The following ARHGAP18 variants were observed in gnomAD, a reference collection of about 807,000 sequenced individuals.
ARHGAP18 encodes rho GTPase-activating protein 18.
In ARHGAP18, 67 loss-of-function variants were observed where a neutral mutation model predicts 86.2. That is an observed-to-expected ratio of 0.78 (90% CI 0.64 to 0.95). The LOEUF is 0.95. Among genes scored for constraint, ARHGAP18 ranks in the 40% least tolerant of loss-of-function variants. ARHGAP18 has a pLI of 0.00. For missense variants in ARHGAP18, 691 were observed against 780.4 expected (o/e 0.89, Z 1.37); for synonymous variants, 283 against 280.4 (o/e 1.01, Z -0.09).
intron 8 of ARHGAP18, among the ~76,000 whole-genome samples, chr6:129,609,059 G>A (rs1788920207): frequency 6.7e-6 from 1 of 148,448 alleles, no homozygotes; most frequent in South Asian, 2.2e-4. Context: ...GAGATAGGGA[G>A]GGAAGGAAGA....
intron 5 of ARHGAP18, among the ~76,000 whole-genome samples, chr6:129,626,215 A>T (rs1172318109): frequency 6.6e-6 from 1 of 151,110 alleles, no homozygotes. Flanking sequence ...AATAAAAAGA[A>T]GTGAGAAATA....
At chr6:129,655,905 T>C (rs1054316299) in intron 1 of ARHGAP18, among the ~76,000 whole-genome samples, 1 of 152,240 alleles carries the variant, frequency 6.6e-6, no homozygotes, top group Admixed American at 6.5e-5. Flanking sequence ...ATCATTGCAG[T>C]TATGGTTTTA....
intron 10 of ARHGAP18, among the ~76,000 whole-genome samples, chr6:129,604,328 G>GCCCT: frequency 6.6e-6 from 1 of 152,058 alleles, no homozygotes; most frequent in East Asian, 1.9e-4. Context: ...GACTTTGAGG[G>GCCCT]CAAAGCCCGA....
At chr6:129,682,131 C>T (rs1056302895) in intron 1 of ARHGAP18, among the ~76,000 whole-genome samples, 5 of 152,170 alleles carry the variant, frequency 3.3e-5, no homozygotes, top group Admixed American at 6.5e-5. Flanking sequence ...GCAGATATTA[C>T]GTCAATCCCC....
intron 7 of ARHGAP18, 117 bp from the exon 8 acceptor site, chr6:129,611,727 T>C: frequency 2.5e-6 from 2 of 802,518 alleles, no homozygotes; most frequent in Non-Finnish European, 4.0e-6. Flanking sequence ...AACTGGATTT[T>C]ATGAGGTTTT....
In ARHGAP18 at chr6:129,616,303, T is replaced by C; in HGVS notation, c.953A>G (p.Asp318Gly). Residue 318 changes from aspartate (D) to glycine (G), a missense_variant and splice_region_variant, in exon 7 of 15, where the codon GAT becomes GGT. Physicochemically the swap from Asp to Gly is moderately conservative, Grantham distance 94. Coordinates refer to ENST00000368149, the MANE Select transcript of ARHGAP18 (RefSeq NM_033515.3). ...CAATGGAACGCAAAAAAGACCAGAA[T>C]CTGCAAGAAAAAAAATGAAATTTCC... ...QQKAVKIKTK[D>G]SGLFCVPLTA... 3 of 1,605,818 alleles carry C rather than the reference T, an allele frequency of 1.9e-6. No individual in the cohort carries two copies. Among genetic ancestry groups the C allele is most frequent in the Non-Finnish European group, 2.5e-6 (3 of 1,176,720 alleles).
intron 1 of ARHGAP18, among the ~76,000 whole-genome samples, chr6:129,686,658 C>T (rs1774428573): frequency 6.6e-6 from 1 of 152,174 alleles, no homozygotes; most frequent in South Asian, 2.1e-4. Context: ...CTCAGATTTG[C>T]AACTATAGAA....
At chr6:129,607,488 T>C (rs915788277) in intron 9 of ARHGAP18, among the ~76,000 whole-genome samples, 1 of 152,012 alleles carries the variant, frequency 6.6e-6, no homozygotes, top group Non-Finnish European at 1.5e-5. Context: ...CCCTACCACT[T>C]CTCCTTGTGC....
At chr6:129,664,523 G>T (rs751405770) in intron 1 of ARHGAP18, among the ~76,000 whole-genome samples, 2 of 152,140 alleles carry the variant, frequency 1.3e-5, no homozygotes, top group Non-Finnish European at 2.9e-5. Flanking sequence ...CCTGAGAAAT[G>T]TGGTGTCTTA....
rs113959025 is a variant in ARHGAP18 at position 129,597,239 on chromosome 6, C to T, written c.1713+1977G>A. Among the ~76,000 whole-genome samples the T allele has an allele frequency of 8.3e-3, 1,251 of 151,534 alleles. 15 individuals are homozygous for T. The highest frequency in any genetic ancestry group is 0.029 in the African/African-American group (1,196 of 41,252). ...TGGCTCACTGCCTCCCAGGTTCAAG[C>T]GATTCTCCTGCCTTAGCTTCTCAAG... On this transcript the variant is annotated intron_variant, in intron 12 of 14. Transcript: ENST00000368149.
In ARHGAP18 at chr6:129,710,094, A is replaced by G. The variant is rs1393143118; in HGVS notation, c.43T>C (p.Tyr15His). The G allele has an allele frequency of 1.2e-6, 2 of 1,614,010 alleles. No homozygotes were observed. Among genetic ancestry groups the G allele is most frequent in the East Asian group, 4.5e-5 (2 of 44,878 alleles). The change falls in exon 1 of 15, where the codon TAC becomes CAC. Residue 15 changes from tyrosine to histidine, a missense_variant. By Grantham distance (83) the Tyr-to-His change is moderately conservative. Coordinates refer to ENST00000368149, the MANE Select transcript of ARHGAP18 (RefSeq NM_033515.3). Reference protein sequence around the residue: ...SSSQGVVLTAYHPSGKDQTVG... With the variant: ...SSSQGVVLTAHHPSGKDQTVG... ...GTCTGGTCCTTGCCGCTGGGGTGGT[A>G]GGCTGTTAGTACCACTCCCTGGGAA... is the stretch of plus-strand genomic sequence containing the variant.
At chr6:129,660,853 C>T (rs1418016628) in intron 1 of ARHGAP18, among the ~76,000 whole-genome samples, 2 of 151,858 alleles carry the variant, frequency 1.3e-5, no homozygotes, top group South Asian at 4.2e-4. Flanking sequence ...TCAACGAAAA[C>T]AAATTTAGGA....
chr6:129,602,886 G>A (rs1039508074), intron 10 of ARHGAP18, among the ~76,000 whole-genome samples: 1 of 151,872 alleles, frequency 6.6e-6, no homozygotes, highest in Non-Finnish European at 1.5e-5. Context: ...CAGAATACTA[G>A]AGAATAAGAG....
At chr6:129,586,763 G>A (rs1358216801) in intron 12 of ARHGAP18, among the ~76,000 whole-genome samples, 1 of 152,052 alleles carries the variant, frequency 6.6e-6, no homozygotes, top group African/African-American at 2.4e-5. Context: ...TCAGCTCCTG[G>A]CCTTTTCCCC....
At chr6:129,639,333 A>C (rs1009265676) in intron 2 of ARHGAP18, among the ~76,000 whole-genome samples, 1 of 152,238 alleles carries the variant, frequency 6.6e-6, no homozygotes, top group Non-Finnish European at 1.5e-5. Context: ...TAAAAGCAGA[A>C]GGATAATTAG....
chr6:129,610,908 T>C (rs1788965385), intron 8 of ARHGAP18, among the ~76,000 whole-genome samples: 1 of 152,062 alleles, frequency 6.6e-6, no homozygotes, highest in South Asian at 2.1e-4. Flanking sequence ...TCTTTTATTT[T>C]TAAGAAACAG....
chr6:129,626,656 C>T (rs1789479236), intron 5 of ARHGAP18, among the ~76,000 whole-genome samples: 1 of 137,532 alleles, frequency 7.3e-6, no homozygotes, highest in Admixed American at 7.8e-5. Context: ...GGATGTACCC[C>T]CAAAACACAC....
At chr6:129,616,375 T>C (rs1444186124) in intron 6 of ARHGAP18, 72 bp from the exon 7 acceptor site, 1 of 1,234,604 alleles carries the variant, frequency 8.1e-7, no homozygotes, top group East Asian at 2.5e-5. Flanking sequence ...TGTTAAAGCA[T>C]AAGATTTCTG....
chr6:129,655,581 C>T (rs1030406471), intron 1 of ARHGAP18, among the ~76,000 whole-genome samples: 9 of 151,904 alleles, frequency 5.9e-5, no homozygotes, highest in Admixed American at 3.9e-4. Flanking sequence ...AGATCAAAGA[C>T]TTAGAACTTT....
Sources: gnomAD v4.1 joint callset for allele counts (sites outside exome capture counted in the v4.1 genomes callset) on GRCh38, gnomAD v4.1.1 for gene constraint, MANE v1.5 for transcripts, NCBI Gene and HGNC (gene_info 2026-07-23, HGNC 2026-07-21) for gene names.